XPO4: variants seen among roughly 807,000 people sequenced by gnomAD.
XPO4 encodes exportin 4.
A neutral mutation model predicts 143.0 loss-of-function variants in XPO4; 39 were observed. That is an observed-to-expected ratio of 0.27 (90% CI 0.21 to 0.36). The LOEUF (loss-of-function observed/expected upper bound fraction) is 0.36, where lower values mean the gene tolerates loss of function less well. Among genes scored for constraint, XPO4 ranks in the 10% least tolerant of loss-of-function variants. The pLI, the probability that XPO4 is intolerant of heterozygous loss-of-function variation, is 1.00. For synonymous variants in XPO4, 439 were observed against 474.0 expected (o/e 0.93, Z 0.96); for missense variants, 907 against 1,348.0 (o/e 0.67, Z 5.12).
At position 20,800,984 on chromosome 13, in the gene XPO4, C is replaced by A. The variant is rs1334266187; in HGVS notation, c.1824G>T (p.Leu608Phe). ...CTTCTGAAACTCTGAGAATGGCAGA[C>A]AACAGCCTGTAGGTATAAAACAGAA... ...YNRTDSVIRLLSAILRVSEVE... is the reference protein window; with the variant it reads ...YNRTDSVIRLFSAILRVSEVE... Residue 608 changes from leucine to phenylalanine, a missense_variant, in exon 14 of 23, where the codon TTG becomes TTT. Physicochemically the swap from Leu to Phe is conservative, Grantham distance 22 (BLOSUM62 0). Coordinates refer to ENST00000255305, the MANE Select transcript of XPO4 (RefSeq NM_022459.5). The A allele has an allele frequency of 6.2e-7, 1 of 1,613,708 alleles. No individual in the cohort carries two copies. The highest frequency in any genetic ancestry group is 8.5e-7 in the Non-Finnish European group (1 of 1,179,906).
chr13:20,872,553 A>G (rs1486674137), intron 1 of XPO4, among the ~76,000 whole-genome samples: 1 of 152,162 alleles, frequency 6.6e-6, no homozygotes, highest in Non-Finnish European at 1.5e-5. Context: ...TTTTAGATAG[A>G]TACATACACA....
intron 1 of XPO4, among the ~76,000 whole-genome samples, chr13:20,883,463 T>A (rs1014514167): frequency 6.6e-6 from 1 of 152,204 alleles, no homozygotes; most frequent in African/African-American, 2.4e-5. Flanking sequence ...AAAAGATATT[T>A]GTAAGGCATA....
intron 2 of XPO4, among the ~76,000 whole-genome samples, chr13:20,867,394 A>G (rs2060253430): frequency 6.6e-6 from 1 of 152,262 alleles, no homozygotes; most frequent in Admixed American, 6.5e-5. Context: ...AATCAAGTAT[A>G]TGGCCATGAC....
intron 1 of XPO4, among the ~76,000 whole-genome samples, chr13:20,884,969 TG>T (rs576958423): frequency 9.0e-4 from 137 of 152,276 alleles, no homozygotes; most frequent in African/African-American, 3.1e-3. Context: ...TTTGTTTGTT[TG>T]TTTGTTTTTT....
intron 7 of XPO4, among the ~76,000 whole-genome samples, chr13:20,822,737 T>C (rs2059735893): frequency 6.6e-6 from 1 of 152,240 alleles, no homozygotes. Flanking sequence ...AAAAGCAATA[T>C]ACCATTGAAT....
intron 1 of XPO4, among the ~76,000 whole-genome samples, chr13:20,876,746 T>C (rs2060357218): frequency 6.6e-6 from 1 of 152,220 alleles, no homozygotes; most frequent in Non-Finnish European, 1.5e-5. Flanking sequence ...GATGAGAATG[T>C]GTCCAGAACT....
At chr13:20,876,794 G>A (rs1391520451) in intron 1 of XPO4, among the ~76,000 whole-genome samples, 3 of 152,208 alleles carry the variant, frequency 2.0e-5, no homozygotes, top group Non-Finnish European at 4.4e-5. Context: ...CAGGGTGAGT[G>A]TTCCAGCTCT....
intron 22 of XPO4, among the ~76,000 whole-genome samples, chr13:20,784,364 G>A (rs1041157011): frequency 9.2e-5 from 14 of 152,290 alleles, no homozygotes; most frequent in Admixed American, 8.5e-4. Flanking sequence ...CCAGTTCTGA[G>A]GACAGCAATG....
chr13:20,793,515 T>C (rs2059312845), intron 18 of XPO4, among the ~76,000 whole-genome samples: 1 of 152,220 alleles, frequency 6.6e-6, no homozygotes, highest in Admixed American at 6.5e-5. Context: ...GGAGATTGTC[T>C]TCAAACACCT....
chr13:20,783,504 G>A lies in XPO4; in HGVS notation c.*218C>T. The A allele has an allele frequency of 1.8e-6, 1 of 567,016 alleles. No individual in the cohort carries two copies. Among genetic ancestry groups the A allele is most frequent in the Non-Finnish European group, 3.1e-6 (1 of 319,778 alleles). 35.1% of individuals were successfully genotyped at this position (567,016 alleles called of 1,614,324 possible). A position where few individuals can be genotyped will look rare whatever the true frequency, so the allele number is the denominator to read the frequency against. ...TTAAATCACCATTCAGAATCTAAAA[G>A]ACATATATATGACAGATTGTGGCTA... is the stretch of plus-strand genomic sequence containing the variant. On this transcript the variant is annotated 3_prime_UTR_variant, in exon 23 of 23. Coordinates refer to ENST00000255305, the MANE Select transcript of XPO4 (RefSeq NM_022459.5).
rs2059219305 is a variant in XPO4, at chr13:20,787,351, T to G, written c.3165+130A>C. 3.5e-6 allele frequency: 3 copies of G among 849,982 alleles called. No homozygotes were observed. In the South Asian group the frequency reaches 4.9e-5, roughly 14 times the overall value. 52.7% of individuals were successfully genotyped at this position (849,982 alleles called of 1,614,324 possible). ...AGAGCTGATCTCCAGAAAAAAACAG[T>G]GAACAGGAAGTCATGGTTTCCTTGC... On this transcript the variant is annotated intron_variant, in intron 21 of 22. Coordinates refer to ENST00000255305, the MANE Select transcript of XPO4 (RefSeq NM_022459.5).
At chr13:20,813,537 T>C (rs758366773) in intron 9 of XPO4, among the ~76,000 whole-genome samples, 8 of 152,220 alleles carry the variant, frequency 5.3e-5, no homozygotes, top group Non-Finnish European at 8.8e-5. Flanking sequence ...ACATGGATCA[T>C]TGAGAACTCA....
intron 4 of XPO4, among the ~76,000 whole-genome samples, chr13:20,844,781 G>T (rs7323797): frequency 0.82 from 124,433 of 152,230 alleles, 51,040 homozygotes; most frequent in East Asian, 1. Flanking sequence ...AAAACTGGCA[G>T]GAAATATCTG....
At chr13:20,899,798 A>T (rs2060603535) in intron 1 of XPO4, among the ~76,000 whole-genome samples, 1 of 152,252 alleles carries the variant, frequency 6.6e-6, no homozygotes, top group Non-Finnish European at 1.5e-5. Context: ...GCATATTAAC[A>T]GTTAAAATAC....
chr13:20,809,063 T>C lies in XPO4; in HGVS notation c.1493+20A>G. ...AATAGAGAATATTTGCTCCATGGGG[T>C]TTCTTTGGACTGTGTGTACCTTGTC... On this transcript the variant is annotated intron_variant, in intron 11 of 22. Transcript: ENST00000255305. 1.9e-6 allele frequency: 3 copies of C among 1,603,308 alleles called. No individual in the cohort carries two copies. The South Asian group carries it at 3.4e-5, about 18-fold the overall frequency.
chr13:20,849,551 G>A, intron 4 of XPO4: 3 of 985,322 alleles, frequency 3.0e-6, no homozygotes, highest in Non-Finnish European at 3.6e-6. Context: ...ACTGACAGCA[G>A]GTCTGACACT....
intron 1 of XPO4, among the ~76,000 whole-genome samples, chr13:20,900,707 G>C (rs2138196741): frequency 6.6e-6 from 1 of 151,614 alleles, no homozygotes; most frequent in South Asian, 2.1e-4. Flanking sequence ...CTGCCTCCTG[G>C]TTCAAGCGAT....
intron 4 of XPO4, chr13:20,850,792 C>T (rs2060077140): frequency 1.0e-6 from 1 of 985,008 alleles, no homozygotes; most frequent in African/African-American, 1.7e-5. Flanking sequence ...CAAATGAAAC[C>T]AATATGCTTC....
chr13:20,854,051 C>T (rs1298591033), intron 4 of XPO4, among the ~76,000 whole-genome samples: 3 of 152,082 alleles, frequency 2.0e-5, no homozygotes, highest in Non-Finnish European at 4.4e-5. Flanking sequence ...CACAACTTAA[C>T]GAGGTGTGCA....
Sources: allele counts gnomAD v4.1 joint callset (sites outside exome capture counted in the v4.1 genomes callset), GRCh38; gene constraint gnomAD v4.1.1; transcripts MANE v1.5; gene names NCBI Gene and HGNC (gene_info 2026-07-23, HGNC 2026-07-21).